Variants in PUDP observed in about 807,000 individuals in gnomAD.
The protein encoded by PUDP is pseudouridine 5'-phosphatase.
In PUDP, 8 loss-of-function variants were observed where a neutral mutation model predicts 9.4. The observed-to-expected ratio is 0.85, with a 90% confidence interval of 0.50 to 1.53. The LOEUF (loss-of-function observed/expected upper bound fraction) is 1.53, where lower values mean the gene tolerates loss of function less well. PUDP is among the 40% of genes most tolerant of loss of function. PUDP has a pLI of 0.00. For missense variants in PUDP, 188 were observed against 189.7 expected (o/e 0.99, Z 0.05); for synonymous variants, 99 against 80.7 (o/e 1.23, Z -1.22).
chrX:7,077,610 C>T (rs1368430245), intron 2 of PUDP, among the ~76,000 whole-genome samples, 161 bp from the exon 3 acceptor site: 3 of 112,341 alleles, frequency 2.7e-5, no homozygotes, highest in Non-Finnish European at 3.8e-5. Flanking sequence ...GTTGTCAGCT[C>T]CACAACATCC....
chrX:7,026,795 T>C (rs1282909182), intron 1 of PUDP, among the ~76,000 whole-genome samples: 1 of 112,001 alleles, frequency 8.9e-6, no homozygotes, highest in Non-Finnish European at 1.9e-5. Context: ...ATGTCAGTAG[T>C]GCTGATGGTA....
intron 3 of PUDP, among the ~76,000 whole-genome samples, chrX:6,943,933 G>A (rs1352666193): frequency 9.1e-6 from 1 of 110,100 alleles, no homozygotes; most frequent in Admixed American, 9.6e-5. Flanking sequence ...AATGAACAGA[G>A]TTAGAAAAAA....
intron 2 of PUDP, among the ~76,000 whole-genome samples, chrX:7,088,790 G>C (rs1433628397): frequency 9.0e-6 from 1 of 111,544 alleles, no homozygotes; most frequent in Non-Finnish European, 1.9e-5. Flanking sequence ...TATTAGACTA[G>C]TACTTCGCAG....
At chrX:6,844,188 T>C (rs1470849609) in intron 3 of PUDP, among the ~76,000 whole-genome samples, 1 of 112,880 alleles carries the variant, frequency 8.9e-6, no homozygotes, top group African/African-American at 3.2e-5. Context: ...ATAAGGACCC[T>C]TGTGATTACA....
intron 3 of PUDP, among the ~76,000 whole-genome samples, chrX:6,881,327 T>C (rs1186384190): frequency 8.9e-6 from 1 of 112,100 alleles, no homozygotes; most frequent in African/African-American, 3.2e-5. Flanking sequence ...AAGTAAAGAC[T>C]GTAGTTTGCC....
chrX:6,930,659 A>G (rs2146769039), intron 3 of PUDP, among the ~76,000 whole-genome samples: 1 of 110,313 alleles, frequency 9.1e-6, no homozygotes, highest in East Asian at 2.9e-4. Context: ...TGCTCTGCCT[A>G]TGGAGTAGCC....
chrX:6,872,202 C>G (rs1052945689), intron 3 of PUDP, among the ~76,000 whole-genome samples: 2 of 111,425 alleles, frequency 1.8e-5, no homozygotes, highest in African/African-American at 6.5e-5. Context: ...TCAGTCCATA[C>G]CTGCAGAGTT....
intron 1 of PUDP, among the ~76,000 whole-genome samples, chrX:7,030,060 G>A (rs777785017): frequency 9.1e-6 from 1 of 109,835 alleles, no homozygotes; most frequent in Admixed American, 9.8e-5. Flanking sequence ...GATTCAGAAT[G>A]CAGAATCAGG....
chrX:7,014,231 T>C, intron 1 of PUDP, among the ~76,000 whole-genome samples: 1 of 110,319 alleles, frequency 9.1e-6, no homozygotes, highest in Non-Finnish European at 1.9e-5. Context: ...GGGGTTTATA[T>C]GGGTACAGGA....
chrX:6,914,543 A>G (rs930539163), intron 3 of PUDP, among the ~76,000 whole-genome samples: 3 of 112,304 alleles, frequency 2.7e-5, no homozygotes, highest in Non-Finnish European at 5.6e-5. Context: ...AAAGTCAGTC[A>G]GTTCGGGTGA....
intron 3 of PUDP, among the ~76,000 whole-genome samples, chrX:6,771,930 G>A (rs745972177): frequency 8.9e-6 from 1 of 112,666 alleles, no homozygotes; most frequent in Non-Finnish European, 1.9e-5. Context: ...CCCTCAGGCT[G>A]TAGTTTTCTA....
At chrX:6,954,062 T>C (rs1370703670) in intron 3 of PUDP, among the ~76,000 whole-genome samples, 1 of 110,371 alleles carries the variant, frequency 9.1e-6, no homozygotes. Flanking sequence ...ATGTGAAGGA[T>C]GTGTTTTCTT....
chrX:6,831,867 A>G (rs1343704685), intron 3 of PUDP, among the ~76,000 whole-genome samples: 1 of 111,955 alleles, frequency 8.9e-6, no homozygotes, highest in Non-Finnish European at 1.9e-5. Context: ...AGACATAATC[A>G]TATGGCAAAA....
At chrX:7,105,456 A>G (rs149585188) in intron 2 of PUDP, among the ~76,000 whole-genome samples, 164 bp downstream of exon 2, 2 of 111,985 alleles carry the variant, frequency 1.8e-5, no homozygotes, top group Admixed American at 1.9e-4. Flanking sequence ...ACAGCATCCC[A>G]CAGCATCAGC....
rs748499340 is a variant in PUDP, at chrX:6,782,416, A to T, written c.*248-75950T>A. ...GAAACCCCATCTCTACTAAAAATAT[A>T]AAAATTAGCTGGGCGTGGTGGCAGG... On this transcript the variant is annotated intron_variant and NMD_transcript_variant, in intron 3 of 3. Coordinates refer to the PUDP transcript ENST00000655425. Among the ~76,000 whole-genome samples, 5 of 110,864 alleles carry T rather than the reference A, an allele frequency of 4.5e-5. No homozygotes were observed. The Admixed American group carries it at 4.8e-4, about 11-fold the overall frequency.
chrX:6,923,745 C>T (rs994269257), intron 3 of PUDP, among the ~76,000 whole-genome samples: 4 of 111,225 alleles, frequency 3.6e-5, no homozygotes, highest in Non-Finnish European at 7.5e-5. Flanking sequence ...CTCTTCACCC[C>T]GCTAAAATGT....
At chrX:6,995,482 C>T (rs1347198278) in intron 1 of PUDP, among the ~76,000 whole-genome samples, 3 of 111,545 alleles carry the variant, frequency 2.7e-5, no homozygotes, top group Non-Finnish European at 5.6e-5. Flanking sequence ...TCAGCACTTT[C>T]AGAGACCAAG....
chrX:6,847,789 G>C (rs1926770967), intron 3 of PUDP, among the ~76,000 whole-genome samples: 1 of 112,103 alleles, frequency 8.9e-6, no homozygotes, highest in African/African-American at 3.2e-5. Flanking sequence ...ATCAGAATCA[G>C]AAGCATTTCT....
intron 3 of PUDP, among the ~76,000 whole-genome samples, chrX:6,731,265 G>T (rs1020640432): frequency 1.8e-5 from 2 of 111,096 alleles, no homozygotes; most frequent in African/African-American, 6.6e-5. Context: ...TAGAGACAAG[G>T]TCTTGCTATG....
Sources: gnomAD v4.1 joint callset for allele counts (sites outside exome capture counted in the v4.1 genomes callset) on GRCh38, gnomAD v4.1.1 for gene constraint, MANE v1.5 for transcripts, NCBI Gene and HGNC (gene_info 2026-07-23, HGNC 2026-07-21) for gene names.